FRMD6: variants seen among roughly 807,000 people sequenced by gnomAD.
The protein encoded by FRMD6 is FERM domain-containing protein 6.
In FRMD6, 37 loss-of-function variants were observed where a neutral mutation model predicts 73.2. The observed-to-expected ratio is 0.51, with a 90% CI of 0.39 to 0.66. The LOEUF is 0.66. FRMD6 is among the 30% of genes least tolerant of loss of function. FRMD6 has a pLI of 0.00. For missense variants in FRMD6, 714 were observed against 780.5 expected (o/e 0.91, Z 1.02); for synonymous variants, 273 against 282.2 (o/e 0.97, Z 0.33).
chr14:51,705,319 A>C (rs1283814486), intron 6 of FRMD6, among the ~76,000 whole-genome samples: 1 of 152,058 alleles, frequency 6.6e-6, no homozygotes, highest in Non-Finnish European at 1.5e-5. Flanking sequence ...TGCGAGAACA[A>C]GTATGTCAAC....
rs1041307874 is a variant in FRMD6, at chr14:51,720,593, G to A, written c.1360+203G>A. The A allele has an allele frequency of 1.5e-5, 9 of 580,712 alleles. 1 individual carries two copies. The highest frequency in any genetic ancestry group is 2.5e-5 in the Non-Finnish European group (8 of 325,378). The allele number at this position is 580,712 out of a possible 1,614,324, so 36.0% of individuals were successfully genotyped here. A position where few individuals can be genotyped will look rare whatever the true frequency, so the allele number is the denominator to read the frequency against. ...CATCCCTCTAGTTGTGATCCTTTGC[G>A]GCCACAAGACTGGATGGTTGTAGAC... On this transcript the variant is annotated intron_variant, in intron 11 of 13. Coordinates refer to ENST00000344768, the MANE Select transcript of FRMD6 (RefSeq NM_001267046.2).
intron 1 of FRMD6, among the ~76,000 whole-genome samples, chr14:51,560,633 T>A (rs761812733): frequency 4.6e-5 from 7 of 152,166 alleles, no homozygotes; most frequent in Non-Finnish European, 8.8e-5. Flanking sequence ...TACAGGCATG[T>A]GCCACCATAC....
intron 2 of FRMD6, among the ~76,000 whole-genome samples, chr14:51,641,673 T>TACTA (rs1309606629): frequency 2.6e-5 from 4 of 152,170 alleles, no homozygotes; most frequent in Admixed American, 1.3e-4. Flanking sequence ...ATCCCCCAGA[T>TACTA]ACTAACTGCC....
At chr14:51,668,356 G>C (rs1893751364) in intron 1 of FRMD6, among the ~76,000 whole-genome samples, 1 of 152,194 alleles carries the variant, frequency 6.6e-6, no homozygotes, top group Non-Finnish European at 1.5e-5. Context: ...ACCCAGGCTG[G>C]AGTGCAGTTG....
chr14:51,644,940 C>T (rs1442401179), intron 2 of FRMD6, among the ~76,000 whole-genome samples: 2 of 152,188 alleles, frequency 1.3e-5, no homozygotes, highest in Non-Finnish European at 2.9e-5. Flanking sequence ...TTTCTCCATA[C>T]ATGTCAAAAG....
intron 2 of FRMD6, among the ~76,000 whole-genome samples, chr14:51,606,300 TACA>T (rs1465954705): frequency 2.6e-5 from 4 of 152,256 alleles, no homozygotes; most frequent in South Asian, 2.1e-4. Flanking sequence ...CAGCCATACG[TACA>T]ACAAGCACAC....
the FRMD6 span, among the ~76,000 whole-genome samples, chr14:51,450,960 A>T: frequency 6.6e-6 from 1 of 152,208 alleles, no homozygotes; most frequent in Non-Finnish European, 1.5e-5. Context: ...GTGGAGGGTG[A>T]TTTGGGTAAC....
chr14:51,536,564 C>A (rs1360552066), intron 1 of FRMD6, among the ~76,000 whole-genome samples: 3 of 152,036 alleles, frequency 2.0e-5, no homozygotes, highest in Non-Finnish European at 4.4e-5. Flanking sequence ...ATTACAGGTG[C>A]CTGCCACCAC....
At chr14:51,510,359 C>T (rs1884227491) in intron 1 of FRMD6, among the ~76,000 whole-genome samples, 1 of 152,206 alleles carries the variant, frequency 6.6e-6, no homozygotes, top group Admixed American at 6.5e-5. Flanking sequence ...CCAACTCATC[C>T]ACCTGAGTTC....
At chr14:51,553,318 T>C (rs77429217) in intron 1 of FRMD6, among the ~76,000 whole-genome samples, 2,844 of 152,304 alleles carry the variant, frequency 0.019, 86 homozygotes, top group African/African-American at 0.064. Flanking sequence ...CTCTGCAGGA[T>C]GGGAACATAG....
chr14:51,625,656 C>T (rs1463171904), intron 2 of FRMD6, among the ~76,000 whole-genome samples: 1 of 152,176 alleles, frequency 6.6e-6, no homozygotes, highest in African/African-American at 2.4e-5. Flanking sequence ...TCATTCTAAC[C>T]AGGTCCTCAT....
At chr14:51,489,749 G>C (rs928928874) in intron 1 of FRMD6, among the ~76,000 whole-genome samples, 1 of 152,154 alleles carries the variant, frequency 6.6e-6, no homozygotes, top group Admixed American at 6.5e-5. Context: ...GTTTATGTAC[G>C]TGTCCTGTAC....
intron 2 of FRMD6, among the ~76,000 whole-genome samples, chr14:51,571,488 G>C (rs943192313): frequency 5.9e-5 from 9 of 152,186 alleles, no homozygotes; most frequent in South Asian, 2.1e-4. Context: ...CTACCCAGCA[G>C]AAATTTCATC....
chr14:51,452,106 T>G, the FRMD6 span, among the ~76,000 whole-genome samples: 5 of 152,088 alleles, frequency 3.3e-5, no homozygotes, highest in Non-Finnish European at 7.4e-5. Flanking sequence ...AAACTGACAG[T>G]AGAGAGAATA....
intron 1 of FRMD6, among the ~76,000 whole-genome samples, chr14:51,506,127 T>G (rs1883948785): frequency 1.3e-5 from 2 of 152,208 alleles, no homozygotes; most frequent in Non-Finnish European, 2.9e-5. Flanking sequence ...GTGACACTGC[T>G]TATGCTCTTT....
chr14:51,715,481 A>G lies in FRMD6; in HGVS notation c.1006A>G (p.Lys336Glu). The G allele has an allele frequency of 6.2e-7, 1 of 1,609,224 alleles. No homozygotes were observed. ...GCAGCCTGTCCTGCGCCATATCCGGAAGCTGGAGGAAAACGAAGGTATTGC... is the reference window on the plus strand; with the variant it reads ...GCAGCCTGTCCTGCGCCATATCCGGGAGCTGGAGGAAAACGAAGGTATTGC... Reference protein sequence around the residue: ...NLQPVLRHIRKLEENEEKKQY... With the variant: ...NLQPVLRHIRELEENEEKKQY... Residue 336 changes from lysine (K) to glutamate (E), a missense_variant, in exon 10 of 14, where the codon AAG becomes GAG. Lys to Glu is a moderately conservative substitution (Grantham distance 56). Coordinates refer to ENST00000344768, the MANE Select transcript of FRMD6 (RefSeq NM_001267046.2).
At chr14:51,454,173 C>T in the FRMD6 span, among the ~76,000 whole-genome samples, 77 of 152,214 alleles carry the variant, frequency 5.1e-4, no homozygotes, top group Non-Finnish European at 9.7e-4. Flanking sequence ...TTCATTAGCT[C>T]TGCTTATTTT....
chr14:51,633,950 CTGAATCAT>C (rs1206510346), intron 2 of FRMD6, among the ~76,000 whole-genome samples: 4 of 152,148 alleles, frequency 2.6e-5, no homozygotes, highest in Non-Finnish European at 1.5e-5. Flanking sequence ...TTTCAAAAAT[CTGAATCAT>C]ATTTTTAAAA....
At chr14:51,498,201 C>T (rs1325080236) in intron 1 of FRMD6, among the ~76,000 whole-genome samples, 2 of 152,190 alleles carry the variant, frequency 1.3e-5, no homozygotes, top group African/African-American at 4.8e-5. Flanking sequence ...GTAGAAATAG[C>T]ATTAGCCAGA....
Sources: allele counts gnomAD v4.1 joint callset (sites outside exome capture counted in the v4.1 genomes callset), GRCh38; gene constraint gnomAD v4.1.1; transcripts MANE v1.5; gene names NCBI Gene and HGNC (gene_info 2026-07-23, HGNC 2026-07-21).